Variants in IL6R observed in about 807,000 individuals in gnomAD.
The protein encoded by IL6R is interleukin-6 receptor subunit alpha.
IL6R carries 38 observed loss-of-function variants against 48.3 expected under a neutral mutation model. The observed-to-expected ratio is 0.79, with a 90% CI of 0.61 to 1.03. IL6R has a LOEUF of 1.03. Among genes scored for constraint, IL6R ranks in the 50% least tolerant of loss-of-function variants. The probability of loss-of-function intolerance (pLI) is 0.00; values close to 1 mark genes in which losing one functional copy is unlikely to be tolerated. For missense variants in IL6R, 534 were observed against 618.3 expected (o/e 0.86, Z 1.45); for synonymous variants, 264 against 256.2 (o/e 1.03, Z -0.29).
chr1:154,423,851 A>G (rs909188791), intron 1 of IL6R, among the ~76,000 whole-genome samples: 7 of 152,020 alleles, frequency 4.6e-5, no homozygotes, highest in Admixed American at 1.3e-4. Flanking sequence ...TGGAAGAGGG[A>G]AAAAAAAGTA....
At chr1:154,421,761 A>G (rs752077824) in intron 1 of IL6R, among the ~76,000 whole-genome samples, 2 of 152,062 alleles carry the variant, frequency 1.3e-5, no homozygotes, top group African/African-American at 2.4e-5. Context: ...CTGGGACCGC[A>G]GACATGTGTC....
At chr1:154,438,272 T>G (rs951737582) in intron 6 of IL6R, among the ~76,000 whole-genome samples, 7 of 151,586 alleles carry the variant, frequency 4.6e-5, no homozygotes. Context: ...CTATGAAAGG[T>G]TAGGATTTAG....
intron 1 of IL6R, among the ~76,000 whole-genome samples, chr1:154,419,499 T>C (rs1688529430): frequency 6.6e-6 from 1 of 152,218 alleles, no homozygotes; most frequent in Admixed American, 6.5e-5. Context: ...GGGACCTTTG[T>C]TTCCTCTGTA....
At chr1:154,443,363 G>C (rs1690039471) in intron 6 of IL6R, among the ~76,000 whole-genome samples, 1 of 152,124 alleles carries the variant, frequency 6.6e-6, no homozygotes, top group Admixed American at 6.5e-5. Context: ...ACATTCTGGG[G>C]TTAAAGAGCC....
chr1:154,448,421 C>T (rs1387033091), intron 7 of IL6R, among the ~76,000 whole-genome samples: 1 of 152,220 alleles, frequency 6.6e-6, no homozygotes, highest in Non-Finnish European at 1.5e-5. Flanking sequence ...GCTGCTATTT[C>T]ATCTCTGAGC....
intron 1 of IL6R, among the ~76,000 whole-genome samples, chr1:154,412,401 G>A (rs182146035): frequency 1.2e-4 from 18 of 152,054 alleles, no homozygotes; most frequent in African/African-American, 4.3e-4. Flanking sequence ...GATTACTGGT[G>A]CCTGCCACCA....
At position 154,469,342 on chromosome 1, in the gene IL6R, G is replaced by A. The variant is rs368278446; in HGVS notation, c.*3962G>A. 8 of 152,002 alleles carry A rather than the reference G, an allele frequency of 5.3e-5. 1 individual carries two copies. In the East Asian group the frequency reaches 1.2e-3, roughly 22 times the overall value. 9.4% of individuals were successfully genotyped at this position (152,002 alleles called of 1,614,324 possible). On this transcript the variant is annotated 3_prime_UTR_variant, in exon 10 of 10. Coordinates refer to ENST00000368485, the MANE Select transcript of IL6R (RefSeq NM_000565.4). ...CTGAAAGCAAATACCAAAGGCTGATGTCTGTATATGGGGCAAAGGGTCAGT... is the reference window on the plus strand; with the variant it reads ...CTGAAAGCAAATACCAAAGGCTGATATCTGTATATGGGGCAAAGGGTCAGT...
At chr1:154,438,569 G>A (rs1363428342) in intron 6 of IL6R, among the ~76,000 whole-genome samples, 3 of 152,100 alleles carry the variant, frequency 2.0e-5, no homozygotes, top group Non-Finnish European at 4.4e-5. Context: ...AAAAGGAAAA[G>A]GTAGAATTGA....
At chr1:154,447,554 C>CATATATATACACATACATATATACACAT (rs1553309724) in intron 6 of IL6R, among the ~76,000 whole-genome samples, 49 of 110,674 alleles carry the variant, frequency 4.4e-4, no homozygotes, top group African/African-American at 2.8e-3. Context: ...TATACACATA[C>CATATATATACACATACATATATACACAT]ACATATATAT....
chr1:154,449,935 G>A lies in IL6R; in HGVS notation c.1021G>A (p.Asp341Asn). 1 of 1,610,400 alleles carries A rather than the reference G, an allele frequency of 6.2e-7. No homozygotes were observed. The highest frequency in any genetic ancestry group is 8.5e-7 in the Non-Finnish European group (1 of 1,176,654). The change falls in exon 8 of 10, where the codon GAT (aspartate) becomes AAT (asparagine). Residue 341 changes from aspartate to asparagine, a missense_variant. Physicochemically the swap from Asp to Asn is conservative, Grantham distance 23. Coordinates refer to ENST00000368485, the MANE Select transcript of IL6R (RefSeq NM_000565.4). Reference protein sequence around the residue: ...MQALTTNKDDDNILFRDSANA... With the variant: ...MQALTTNKDDNNILFRDSANA... ...GGCACTTACTACTAATAAAGACGAT[G>A]ATAATATTCTCTTCAGAGATTCTGC...
rs554931176 is a variant in IL6R, at chr1:154,407,749, C to T, written c.85+2035C>T. 4.6e-3 allele frequency among the ~76,000 whole-genome samples: 702 copies of T among 152,216 alleles called. 2 individuals carry two copies. Among genetic ancestry groups the T allele is most frequent in the Middle Eastern group, 0.014 (4 of 294 alleles). ...GTTTGTTTTCCTCGGGATCAGCTGC[C>T]GCCCACACACCCTGGAGCTGCCAGG... On this transcript the variant is annotated intron_variant, in intron 1 of 9. Coordinates refer to ENST00000368485, the MANE Select transcript of IL6R (RefSeq NM_000565.4).
chr1:154,439,322 T>TA (rs1689806589), intron 6 of IL6R, among the ~76,000 whole-genome samples: 1 of 152,216 alleles, frequency 6.6e-6, no homozygotes, highest in South Asian at 2.1e-4. Context: ...ATATTATTAT[T>TA]ATTATTTTTT....
chr1:154,420,748 C>A (rs967100148), intron 1 of IL6R, among the ~76,000 whole-genome samples: 7 of 151,920 alleles, frequency 4.6e-5, no homozygotes, highest in Non-Finnish European at 7.4e-5. Flanking sequence ...GTTGGCCAGG[C>A]TGGTCTCGAA....
chr1:154,416,946 T>C (rs1369718410), intron 1 of IL6R, among the ~76,000 whole-genome samples: 1 of 151,930 alleles, frequency 6.6e-6, no homozygotes, highest in Non-Finnish European at 1.5e-5. Context: ...CCTCCCCTTA[T>C]CCCTCCCAGC....
chr1:154,463,100 G>A (rs367592047), intron 9 of IL6R, among the ~76,000 whole-genome samples: 3 of 151,892 alleles, frequency 2.0e-5, no homozygotes, highest in East Asian at 3.8e-4. Context: ...CACCACACCC[G>A]GCCTTATTTT....
In IL6R at chr1:154,436,012, G is replaced by T. The variant is rs749448279; in HGVS notation, c.851G>T (p.Ser284Ile). Residue 284 changes from serine to isoleucine, a missense_variant, in exon 6 of 10, where the codon AGC becomes ATC. Physicochemically the swap from Ser to Ile is moderately radical, Grantham distance 142. Coordinates refer to ENST00000368485, the MANE Select transcript of IL6R (RefSeq NM_000565.4). ...CACTGTGTCATCCACGACGCCTGGA[G>T]CGGCCTGAGGCACGTGGTGCAGCTT... Reference protein sequence around the residue: ...QHHCVIHDAWSGLRHVVQLRA... With the variant: ...QHHCVIHDAWIGLRHVVQLRA... 21 of 1,612,222 alleles carry T rather than the reference G, an allele frequency of 1.3e-5. No homozygotes were observed. Among genetic ancestry groups the T allele is most frequent in the Non-Finnish European group, 1.4e-5 (16 of 1,178,872 alleles).
chr1:154,413,769 C>CTTTTTT (rs1266706392), intron 1 of IL6R, among the ~76,000 whole-genome samples: 2 of 111,752 alleles, frequency 1.8e-5, no homozygotes, highest in Non-Finnish European at 3.7e-5. Context: ...TCATACATGA[C>CTTTTTT]TTTTTTTTTT....
chr1:154,453,941 T>C (rs888115468), intron 8 of IL6R, among the ~76,000 whole-genome samples: 8 of 152,176 alleles, frequency 5.3e-5, no homozygotes, highest in Admixed American at 4.6e-4. Context: ...GTTGGAGAAC[T>C]GAATGAAGTT....
chr1:154,448,875 C>CT (rs757221328), intron 7 of IL6R, among the ~76,000 whole-genome samples: 777 of 73,238 alleles, frequency 0.011, 90 homozygotes, highest in African/African-American at 0.016. Context: ...CTTGTAAGGG[C>CT]TTTTTTTTTT....
Sources: gnomAD v4.1 joint callset for allele counts (sites outside exome capture counted in the v4.1 genomes callset) on GRCh38, gnomAD v4.1.1 for gene constraint, MANE v1.5 for transcripts, NCBI Gene and HGNC (gene_info 2026-07-23, HGNC 2026-07-21) for gene names.